GABRG1: variants seen among roughly 807,000 people sequenced by gnomAD.
The protein encoded by GABRG1 is gamma-aminobutyric acid type A receptor subunit gamma1.
GABRG1 carries 49 observed loss-of-function variants against 49.8 expected under a neutral mutation model. That is an observed-to-expected ratio of 0.98 (90% confidence interval 0.78 to 1.25). The LOEUF is 1.25. Ranked by LOEUF, GABRG1 falls within the 50% of genes most tolerant of loss-of-function variation. The pLI is 0.00. For synonymous variants in GABRG1, 232 were observed against 185.1 expected, an observed-to-expected ratio of 1.25 and a Z score of -2.06; for missense variants, 552 against 552.3, an observed-to-expected ratio of 1.00 and a Z score of 0.01.
chr4:46,048,580 C>T (rs1377629353), intron 8 of GABRG1, among the ~76,000 whole-genome samples: 1 of 128,682 alleles, frequency 7.8e-6, no homozygotes, highest in African/African-American at 3.0e-5. Context: ...AAGTAACCTT[C>T]TTACTGGAAA....
intron 2 of GABRG1, among the ~76,000 whole-genome samples, chr4:46,089,981 G>A (rs1719920818): frequency 6.6e-6 from 1 of 151,864 alleles, no homozygotes; most frequent in East Asian, 2.0e-4. Flanking sequence ...TAAAAACATA[G>A]GAAAATAATA....
Position 46,117,550 on chromosome 4 carries a change from G to GTCTC in GABRG1, c.104+6256_104+6259dup, listed in dbSNP as rs373546541. ...GGCACAAGATGGTAATGTTATCTCT[G>GTCTC]TCTCTCTCTCTCTCTCTCTCTCTCT... On this transcript the variant is annotated intron_variant, in intron 1 of 8. Transcript: ENST00000295452. Among the ~76,000 whole-genome samples, 664 of 116,662 alleles carry GTCTC rather than the reference G, an allele frequency of 5.7e-3. 4 individuals are homozygous for GTCTC. Among genetic ancestry groups the GTCTC allele is most frequent in the African/African-American group, 0.011 (352 of 33,378 alleles). 76.5% of individuals were successfully genotyped at this position (116,662 alleles called of 152,430 possible).
chr4:46,083,177 T>A (rs1719636817), intron 3 of GABRG1, among the ~76,000 whole-genome samples: 1 of 151,686 alleles, frequency 6.6e-6, no homozygotes, highest in Admixed American at 6.6e-5. Flanking sequence ...AATTAATAAG[T>A]CACCAAATTC....
At chr4:46,045,293 T>G (rs1717950705) in intron 8 of GABRG1, among the ~76,000 whole-genome samples, 2 of 152,030 alleles carry the variant, frequency 1.3e-5, no homozygotes, top group African/African-American at 4.8e-5. Context: ...TATTGTAAAT[T>G]TTTAATAAGC....
At chr4:46,074,495 A>G (rs1719251563) in intron 3 of GABRG1, among the ~76,000 whole-genome samples, 1 of 152,150 alleles carries the variant, frequency 6.6e-6, no homozygotes. Flanking sequence ...TTTGAATCCT[A>G]TTGCACATGT....
chr4:46,061,385 G>C (rs1287411892), intron 5 of GABRG1, among the ~76,000 whole-genome samples: 2 of 152,058 alleles, frequency 1.3e-5, no homozygotes, highest in African/African-American at 4.8e-5. Context: ...AAGTGAAGAA[G>C]TAGGGTTATG....
chr4:46,064,534 G>A lies in GABRG1; in HGVS notation c.543-11C>T, dbSNP rs1430138296. The A allele has an allele frequency of 1.5e-6, 2 of 1,301,960 alleles. No homozygotes were observed. The highest frequency in any genetic ancestry group is 2.6e-5 in the East Asian group (1 of 38,318). The allele number at this position is 1,301,960 out of a possible 1,614,324, so 80.7% of individuals were successfully genotyped here. A position where few individuals can be genotyped will look rare whatever the true frequency, so the allele number is the denominator to read the frequency against. Reference sequence around the variant, plus strand: ...GCATTAATTGTCAATCTATTTAGATGGAAAGAAAAGTATTAAATAAAGATA... The same window carrying A: ...GCATTAATTGTCAATCTATTTAGATAGAAAGAAAAGTATTAAATAAAGATA... On this transcript the variant is annotated splice_polypyrimidine_tract_variant and intron_variant, in intron 4 of 8. Transcript: ENST00000295452.
In GABRG1 at chr4:46,037,787, G is replaced by A. The variant is rs764928181; in HGVS notation, c.*3201C>T. ...AGCTCCTCTCTTGTAAAATCAAAGT[G>A]TTTTGTGTATTTTTCACAAATTTTG... On this transcript the variant is annotated 3_prime_UTR_variant, in exon 9 of 9. Transcript: ENST00000295452. 6.6e-6 allele frequency: 1 copy of A among 151,574 alleles called. No homozygotes were observed. Among genetic ancestry groups the A allele is most frequent in the East Asian group, 1.9e-4 (1 of 5,176 alleles). The allele number at this position is 151,574 out of a possible 1,614,324, so 9.4% of individuals were successfully genotyped here.
Position 46,036,434 on chromosome 4 carries a change from TA to T in GABRG1, c.*4553del, listed in dbSNP as rs1354731067. ...TCACTTTAGGATTTACATTTCAGAT[TA>T]TTTTTTTCTTCATCTTTTATGTGTG... On this transcript the variant is annotated 3_prime_UTR_variant, in exon 9 of 9. Transcript: ENST00000295452. 1 of 151,986 alleles carries T rather than the reference TA, an allele frequency of 6.6e-6. No homozygotes were observed. Among genetic ancestry groups the T allele is most frequent in the African/African-American group, 2.4e-5 (1 of 41,432 alleles). 9.4% of individuals were successfully genotyped at this position (151,986 alleles called of 1,614,324 possible).
intron 3 of GABRG1, among the ~76,000 whole-genome samples, chr4:46,082,093 A>G (rs778420819): frequency 4.6e-5 from 7 of 151,842 alleles, no homozygotes; most frequent in Non-Finnish European, 1.0e-4. Flanking sequence ...GGGATCCAGT[A>G]GTTTGAACTC....
chr4:46,050,878 A>T (rs1384571687), intron 8 of GABRG1, among the ~76,000 whole-genome samples: 1 of 151,918 alleles, frequency 6.6e-6, no homozygotes. Context: ...AAACATAATC[A>T]TAGTCAATAA....
At chr4:46,096,557 C>T (rs1017581655) in intron 2 of GABRG1, among the ~76,000 whole-genome samples, 5 of 151,670 alleles carry the variant, frequency 3.3e-5, no homozygotes, top group Non-Finnish European at 5.9e-5. Flanking sequence ...TTCTTAAACA[C>T]ACTTCTGTCT....
intron 1 of GABRG1, among the ~76,000 whole-genome samples, chr4:46,108,850 G>C (rs987224255): frequency 5.3e-5 from 8 of 150,996 alleles, no homozygotes; most frequent in African/African-American, 1.9e-4. Flanking sequence ...ATTTATCACA[G>C]GTAAAATTCA....
chr4:46,087,136 G>A (rs935412109), intron 2 of GABRG1, among the ~76,000 whole-genome samples: 1 of 151,488 alleles, frequency 6.6e-6, no homozygotes, highest in Admixed American at 6.6e-5. Context: ...TGCTGGTTTA[G>A]TGAAATGAGT....
intron 1 of GABRG1, among the ~76,000 whole-genome samples, chr4:46,122,767 CATA>C (rs769906205): frequency 6.6e-6 from 1 of 152,020 alleles, no homozygotes; most frequent in Non-Finnish European, 1.5e-5. Context: ...TTTCTATCTT[CATA>C]ATGATTGTAC....
rs556551000 is a variant in GABRG1 at position 46,084,165 on chromosome 4, T to TA, written c.254-113dup. The TA allele has an allele frequency of 6.9e-4, 424 of 618,750 alleles. 3 individuals are homozygous for TA. The highest frequency in any genetic ancestry group is 4.9e-3 in the South Asian group (239 of 48,826). 38.3% of individuals were successfully genotyped at this position (618,750 alleles called of 1,614,324 possible). ...TACTTATATATTAACACTTCAATCA[T>TA]AAAACATCTTTTATTATGAAATGCA... On this transcript the variant is annotated intron_variant, in intron 2 of 8. Transcript: ENST00000295452.
intron 7 of GABRG1, among the ~76,000 whole-genome samples, chr4:46,053,186 T>C (rs539954388): frequency 6.6e-6 from 1 of 152,016 alleles, no homozygotes; most frequent in Admixed American, 6.6e-5. Context: ...AGTTATATTA[T>C]TTTTATTTAT....
At chr4:46,121,531 T>C (rs1160060048) in intron 1 of GABRG1, among the ~76,000 whole-genome samples, 3 of 152,114 alleles carry the variant, frequency 2.0e-5, no homozygotes, top group South Asian at 2.1e-4. Flanking sequence ...TAGAACCCAA[T>C]GGAGAAAGAA....
chr4:46,117,568 CTCTCTCTCTCTCTG>C (rs1560376891), intron 1 of GABRG1, among the ~76,000 whole-genome samples: 1 of 141,972 alleles, frequency 7.0e-6, no homozygotes, highest in Middle Eastern at 3.4e-3. Context: ...CTCTCTCTCT[CTCTCTCTCTCTCTG>C]TCTCTCTTTG....
Sources: gnomAD v4.1 joint callset for allele counts (sites outside exome capture counted in the v4.1 genomes callset) on GRCh38, gnomAD v4.1.1 for gene constraint, MANE v1.5 for transcripts, NCBI Gene and HGNC (gene_info 2026-07-23, HGNC 2026-07-21) for gene names.